RANBP17: variants seen among roughly 807,000 people sequenced by gnomAD.
RANBP17 encodes RAN binding protein 17, also known as ran-binding protein 17.
RANBP17 carries 158 observed loss-of-function variants against 141.2 expected under a neutral mutation model. The ratio of observed to expected loss-of-function variants is 1.12; its 90% CI spans 0.98 to 1.28. The LOEUF (loss-of-function observed/expected upper bound fraction) is 1.28. Ranked by LOEUF, RANBP17 falls within the 50% of genes most tolerant of loss-of-function variation. The pLI is 0.00. For synonymous variants in RANBP17, 430 were observed against 450.0 expected, an observed-to-expected ratio of 0.96 and a Z score of 0.56; for missense variants, 1,438 against 1,290.7, an observed-to-expected ratio of 1.11 and a Z score of -1.75.
At chr5:171,251,946 G>T in intron 24 of RANBP17, 1 of 1,609,088 alleles carries the variant, frequency 6.2e-7, no homozygotes. Context: ...TCAGTTTTGG[G>T]AATACCTGCT....
Position 171,213,601 on chromosome 5 carries a change from C to T in RANBP17, c.2232-30C>T, listed in dbSNP as rs369662693. 13 of 1,486,932 alleles carry T rather than the reference C, an allele frequency of 8.7e-6. No individual in the cohort carries two copies. In the African/African-American group the frequency reaches 1.2e-4, roughly 14 times the overall value. 92.1% of individuals were successfully genotyped at this position (1,486,932 alleles called of 1,614,324 possible). On this transcript the variant is annotated intron_variant, in intron 20 of 27. Transcript: ENST00000523189. ...TTTCAGAAACAGTATTTCTTTAGACCCTTAAATTCTTTAACAGGCTTTATA... is the reference window on the plus strand; with the variant it reads ...TTTCAGAAACAGTATTTCTTTAGACTCTTAAATTCTTTAACAGGCTTTATA...
intron 14 of RANBP17, among the ~76,000 whole-genome samples, chr5:171,144,266 T>G (rs546770890): frequency 1.4e-4 from 21 of 151,880 alleles, no homozygotes; most frequent in African/African-American, 5.1e-4. Flanking sequence ...GAGGCCGAGG[T>G]GAGGTAAGAG....
Position 171,183,165 on chromosome 5 carries a change from A to G in RANBP17, c.1866-2A>G, listed in dbSNP as rs1213998957. On this transcript the variant is annotated splice_acceptor_variant, in intron 16 of 27. Coordinates refer to ENST00000523189, the MANE Select transcript of RANBP17 (RefSeq NM_022897.5). LOFTEE classifies it high-confidence loss of function. ...TTCCTTAGATTCCTTAACTTCTATTACTTATATCCTTTTAAAAAAACTTGT... is the reference window on the plus strand; with the variant it reads ...TTCCTTAGATTCCTTAACTTCTATTGCTTATATCCTTTTAAAAAAACTTGT... 4 of 1,453,472 alleles carry G rather than the reference A, an allele frequency of 2.8e-6. No homozygotes were observed. Among genetic ancestry groups the G allele is most frequent in the Non-Finnish European group, 2.9e-6 (3 of 1,034,390 alleles). 90.0% of individuals were successfully genotyped at this position (1,453,472 alleles called of 1,614,324 possible). A position where few individuals can be genotyped will look rare whatever the true frequency, so the allele number is the denominator to read the frequency against.
chr5:171,113,484 T>G (rs1261900035), intron 14 of RANBP17, among the ~76,000 whole-genome samples: 3 of 152,128 alleles, frequency 2.0e-5, no homozygotes, highest in African/African-American at 7.2e-5. Flanking sequence ...GATATTTTAA[T>G]CTTAGCTGTC....
chr5:171,086,033 T>C (rs1258124518), intron 14 of RANBP17, among the ~76,000 whole-genome samples: 2 of 62,424 alleles, frequency 3.2e-5, no homozygotes, highest in African/African-American at 1.2e-4. Context: ...GGCATCCCTG[T>C]CTTGTGCCAG....
At chr5:171,059,239 A>G (rs1313780506) in intron 14 of RANBP17, among the ~76,000 whole-genome samples, 1 of 152,088 alleles carries the variant, frequency 6.6e-6, no homozygotes, top group Non-Finnish European at 1.5e-5. Context: ...GTCCTTGCCC[A>G]TGCCTATGTC....
intron 25 of RANBP17, among the ~76,000 whole-genome samples, chr5:171,266,845 A>G (rs1766718365): frequency 6.6e-6 from 1 of 151,884 alleles, no homozygotes; most frequent in Non-Finnish European, 1.5e-5. Flanking sequence ...CTGGGGAGGC[A>G]GAGGTTGCAG....
chr5:171,214,254 G>C (rs182649502), intron 21 of RANBP17, among the ~76,000 whole-genome samples: 8 of 152,122 alleles, frequency 5.3e-5, no homozygotes, highest in Admixed American at 3.3e-4. Flanking sequence ...CATGTATTTG[G>C]ATGATTTATA....
At chr5:171,223,479 C>G (rs1013415937) in intron 22 of RANBP17, among the ~76,000 whole-genome samples, 2 of 151,926 alleles carry the variant, frequency 1.3e-5, no homozygotes, top group Non-Finnish European at 2.9e-5. Context: ...ACCAAAAATA[C>G]AAAAAATTAG....
chr5:171,194,444 T>G (rs1490001849), intron 18 of RANBP17, among the ~76,000 whole-genome samples: 1 of 152,208 alleles, frequency 6.6e-6, no homozygotes, highest in African/African-American at 2.4e-5. Context: ...GACATTAATA[T>G]AAATGGAATC....
chr5:170,877,932 C>G (rs966154793), intron 1 of RANBP17, among the ~76,000 whole-genome samples, 165 bp from the exon 2 acceptor site: 10 of 152,244 alleles, frequency 6.6e-5, no homozygotes, highest in African/African-American at 2.4e-4. Flanking sequence ...AGGAGATGGG[C>G]CTGTTTTGTT....
At position 170,913,244 on chromosome 5, in the gene RANBP17, C is replaced by T. The variant is rs116296967; in HGVS notation, c.761-923C>T. Among the ~76,000 whole-genome samples, 272 of 152,062 alleles carry T rather than the reference C, an allele frequency of 1.8e-3. 1 individual carries two copies. The highest frequency in any genetic ancestry group is 6.1e-3 in the African/African-American group (253 of 41,522). On this transcript the variant is annotated intron_variant, in intron 7 of 27. Coordinates refer to ENST00000523189, the MANE Select transcript of RANBP17 (RefSeq NM_022897.5). The stretch of plus-strand genomic sequence containing the variant: ...AAGATAATGGAATTTGGGAAATGGG[C>T]ACTTCAACACAAGATGACAGTGAAA...
intron 3 of RANBP17, among the ~76,000 whole-genome samples, chr5:170,884,892 C>G (rs1769013115): frequency 8.5e-6 from 1 of 117,476 alleles, no homozygotes; most frequent in South Asian, 5.4e-4. Flanking sequence ...GGTTCAGAAG[C>G]ACTCATCTCC....
At chr5:171,050,634 G>T (rs771013912) in intron 14 of RANBP17, among the ~76,000 whole-genome samples, 2 of 152,154 alleles carry the variant, frequency 1.3e-5, no homozygotes, top group African/African-American at 2.4e-5. Context: ...TTGATTGCAG[G>T]AGTGAGATCG....
At chr5:171,181,194 A>G (rs899661784) in intron 16 of RANBP17, among the ~76,000 whole-genome samples, 1 of 152,118 alleles carries the variant, frequency 6.6e-6, no homozygotes, top group African/African-American at 2.4e-5. Flanking sequence ...GCCTGCCAGA[A>G]AAACCCAGTG....
intron 24 of RANBP17, among the ~76,000 whole-genome samples, chr5:171,261,090 C>CAAAAAAAAAAAAAAAAAAAAAA (rs11388391): frequency 1.5e-5 from 1 of 68,490 alleles, no homozygotes; most frequent in Non-Finnish European, 2.5e-5. Flanking sequence ...CCACCCCCCC[C>CAAAAAAAAAAAAAAAAAAAAAA]AAAAAAAAAA....
chr5:171,190,266 G>A (rs1259976690), intron 18 of RANBP17, among the ~76,000 whole-genome samples: 2 of 152,190 alleles, frequency 1.3e-5, no homozygotes, highest in Admixed American at 6.5e-5. Context: ...CACTTTGTAT[G>A]AATTTAATTA....
intron 12 of RANBP17, among the ~76,000 whole-genome samples, chr5:170,939,907 T>C (rs1774193612): frequency 6.6e-6 from 1 of 152,154 alleles, no homozygotes; most frequent in Non-Finnish European, 1.5e-5. Context: ...AGAAACTGTA[T>C]GATTGTCTCC....
chr5:170,918,680 T>C (rs1023456169), intron 9 of RANBP17, 33 bp from the exon 10 acceptor site: 1 of 1,569,740 alleles, frequency 6.4e-7, no homozygotes, highest in South Asian at 1.2e-5. Flanking sequence ...GGTTGGCTTG[T>C]TTTTAAGCCT....
Sources: allele counts gnomAD v4.1 joint callset (sites outside exome capture counted in the v4.1 genomes callset), GRCh38; gene constraint gnomAD v4.1.1; transcripts MANE v1.5; gene names NCBI Gene and HGNC (gene_info 2026-07-23, HGNC 2026-07-21).